CDH18: variants seen among roughly 807,000 people sequenced by gnomAD.
CDH18 encodes cadherin 18.
In CDH18, 31 loss-of-function variants were observed where a neutral mutation model predicts 67.9. The ratio of observed to expected loss-of-function variants is 0.46; its 90% CI spans 0.34 to 0.62. The LOEUF is 0.62. CDH18 is among the 20% of genes least tolerant of loss of function. CDH18 has a pLI of 0.01. For synonymous variants in CDH18, 362 were observed against 347.2 expected, an observed-to-expected ratio of 1.04 and a Z score of -0.48; for missense variants, 890 against 975.5, an observed-to-expected ratio of 0.91 and a Z score of 1.17.
At position 19,994,728 on chromosome 5, in the gene CDH18, TATATATATATAGAGAGAG is replaced by T. The variant is rs1415855593; in HGVS notation, c.-517-2732_-517-2715del. On this transcript the variant is annotated intron_variant, in intron 2 of 14. Transcript: ENST00000507958. The stretch of plus-strand genomic sequence containing the variant: ...ATATATATATATATATATATATATA[TATATATATATAGAGAGAG>T]AGAGAGAGAGAGAGAGAGAGAGAGA... Among the ~76,000 whole-genome samples, 37 of 20,924 alleles carry T rather than the reference TATATATATATAGAGAGAG, an allele frequency of 1.8e-3. 1 individual carries two copies. The highest frequency in any genetic ancestry group is 8.4e-3 in the East Asian group (5 of 592). 13.7% of individuals were successfully genotyped at this position (20,924 alleles called of 152,430 possible). A position where few individuals can be genotyped will look rare whatever the true frequency, so the allele number is the denominator to read the frequency against.
chr5:20,277,104 C>T lies in CDH18; in HGVS notation c.-579-21599G>A, dbSNP rs573063150. 7.9e-5 allele frequency among the ~76,000 whole-genome samples: 12 copies of T among 152,238 alleles called. No homozygotes were observed. The South Asian group carries it at 2.1e-3, about 26-fold the overall frequency. On this transcript the variant is annotated intron_variant, in intron 1 of 14. Coordinates refer to the CDH18 transcript ENST00000507958. ...ACTGCCCTAAAGAGAAGGACAAAAG[C>T]GAGGCTGTCTTTGCCACCTGCTGTT... is the stretch of plus-strand genomic sequence containing the variant.
Position 19,502,977 on chromosome 5 carries a change from T to C in CDH18, c.1630+15A>G, listed in dbSNP as rs2126762666. ...GATACCACATAGATAAACAAATATG[T>C]GTATATATGTTCACCTTCATTGTCC... On this transcript the variant is annotated intron_variant, in intron 11 of 12. Coordinates refer to ENST00000382275, the MANE Select transcript of CDH18 (RefSeq NM_004934.5). 1 of 1,345,770 alleles carries C rather than the reference T, an allele frequency of 7.4e-7. No individual in the cohort carries two copies. The highest frequency in any genetic ancestry group is 2.3e-5 in the East Asian group (1 of 43,622). 83.4% of individuals were successfully genotyped at this position (1,345,770 alleles called of 1,614,324 possible). A position where few individuals can be genotyped will look rare whatever the true frequency, so the allele number is the denominator to read the frequency against.
intron 1 of CDH18, among the ~76,000 whole-genome samples, chr5:20,369,070 G>T (rs570787483): frequency 6.6e-6 from 1 of 151,838 alleles, no homozygotes; most frequent in Admixed American, 6.6e-5. Context: ...CTTCTTCTCA[G>T]CTTGCCCTTG....
intron 12 of CDH18, among the ~76,000 whole-genome samples, chr5:19,482,478 CA>C (rs1739619910): frequency 1.3e-5 from 2 of 151,842 alleles, no homozygotes; most frequent in Admixed American, 6.6e-5. Flanking sequence ...CCTCTAAGAC[CA>C]AAAAATATTT....
chr5:19,974,116 C>G (rs1354895709), intron 2 of CDH18, among the ~76,000 whole-genome samples: 1 of 151,964 alleles, frequency 6.6e-6, no homozygotes, highest in Non-Finnish European at 1.5e-5. Flanking sequence ...CATATAGGAT[C>G]TGACAGTGGT....
chr5:20,374,475 G>C (rs1014996906), intron 1 of CDH18, among the ~76,000 whole-genome samples: 12 of 152,094 alleles, frequency 7.9e-5, no homozygotes, highest in African/African-American at 2.2e-4. Context: ...GAGACATCTT[G>C]GGGTTTGAAT....
At chr5:20,488,696 T>C (rs938666935) in intron 1 of CDH18, among the ~76,000 whole-genome samples, 38 of 129,916 alleles carry the variant, frequency 2.9e-4, no homozygotes, top group African/African-American at 9.9e-4. Flanking sequence ...TATATATATA[T>C]ATATACACAC....
intron 10 of CDH18, among the ~76,000 whole-genome samples, chr5:19,519,431 G>A (rs1420455436): frequency 3.9e-5 from 6 of 152,084 alleles, no homozygotes; most frequent in Non-Finnish European, 8.8e-5. Flanking sequence ...ACTCATTTGG[G>A]TTCACTAAAG....
At chr5:20,415,482 A>G (rs1441494719) in intron 1 of CDH18, among the ~76,000 whole-genome samples, 2 of 152,196 alleles carry the variant, frequency 1.3e-5, no homozygotes, top group African/African-American at 4.8e-5. Context: ...TTAAAAAAAG[A>G]TGAAAATCTG....
At chr5:19,961,404 G>A (rs1206355803) in intron 2 of CDH18, among the ~76,000 whole-genome samples, 1 of 152,034 alleles carries the variant, frequency 6.6e-6, no homozygotes, top group Non-Finnish European at 1.5e-5. Flanking sequence ...ACCGTGCCCA[G>A]CCAACTACAT....
intron 9 of CDH18, among the ~76,000 whole-genome samples, chr5:19,529,232 A>G (rs1417741702): frequency 6.6e-6 from 1 of 151,990 alleles, no homozygotes; most frequent in Non-Finnish European, 1.5e-5. Flanking sequence ...CAGTGAATAT[A>G]ATTCACTGCA....
intron 2 of CDH18, among the ~76,000 whole-genome samples, chr5:20,032,538 T>A (rs1739495249): frequency 6.6e-6 from 1 of 152,070 alleles, no homozygotes; most frequent in Non-Finnish European, 1.5e-5. Flanking sequence ...GTTGTGTGAA[T>A]CTCGAATCTT....
intron 1 of CDH18, among the ~76,000 whole-genome samples, chr5:20,461,582 C>T (rs1751270516): frequency 6.6e-6 from 1 of 152,052 alleles, no homozygotes; most frequent in African/African-American, 2.4e-5. Flanking sequence ...CTCCTCTTCT[C>T]ACTGTTCTTA....
chr5:20,543,173 G>A (rs1757148614), intron 1 of CDH18, among the ~76,000 whole-genome samples: 1 of 151,966 alleles, frequency 6.6e-6, no homozygotes, highest in South Asian at 2.1e-4. Context: ...TTGATAAATA[G>A]ATGGTTAAAC....
chr5:19,490,392 C>CTGTTTTTTTT (rs1741221953), intron 11 of CDH18, among the ~76,000 whole-genome samples: 1 of 40,306 alleles, frequency 2.5e-5, no homozygotes, highest in African/African-American at 1.0e-4. Flanking sequence ...ATATAAAAAT[C>CTGTTTTTTTT]TGTTTTTTTT....
At chr5:20,000,390 T>C (rs1325171527) in intron 2 of CDH18, among the ~76,000 whole-genome samples, 1 of 152,144 alleles carries the variant, frequency 6.6e-6, no homozygotes, top group African/African-American at 2.4e-5. Flanking sequence ...ATTGGAGACA[T>C]TTAGAGAAAG....
At chr5:19,483,246 A>G in intron 12 of CDH18, 55 bp downstream of exon 12, 2 of 1,533,878 alleles carry the variant, frequency 1.3e-6, no homozygotes, top group Non-Finnish European at 1.8e-6. Flanking sequence ...TGTCAAAATG[A>G]TTCCCTCTCA....
At chr5:19,710,731 A>G (rs1764603185) in intron 5 of CDH18, among the ~76,000 whole-genome samples, 1 of 152,088 alleles carries the variant, frequency 6.6e-6, no homozygotes, top group Non-Finnish European at 1.5e-5. Flanking sequence ...TCCACAAGTC[A>G]TTTCTTCTAC....
Position 19,872,601 on chromosome 5 carries a change from C to G in CDH18, c.-256-33359G>C, listed in dbSNP as rs983818027. On this transcript the variant is annotated intron_variant, in intron 2 of 12. Coordinates refer to ENST00000382275, the MANE Select transcript of CDH18 (RefSeq NM_004934.5). ...GAATTCTATCAATAACCTAAATGAG[C>G]TTGAAAGCAGATTCTTCCCCAGTCA... 3.3e-5 allele frequency among the ~76,000 whole-genome samples: 5 copies of G among 152,248 alleles called. No homozygotes were observed. The East Asian group carries it at 9.7e-4, about 30-fold the overall frequency.
Sources: allele counts gnomAD v4.1 joint callset (sites outside exome capture counted in the v4.1 genomes callset), GRCh38; gene constraint gnomAD v4.1.1; transcripts MANE v1.5; gene names NCBI Gene and HGNC (gene_info 2026-07-23, HGNC 2026-07-21).